The following SH3RF1 variants were observed in gnomAD, a reference collection of about 807,000 sequenced individuals.
The protein encoded by SH3RF1 is SH3 domain containing ring finger 1.
A neutral mutation model predicts 74.0 loss-of-function variants in SH3RF1; 32 were observed. The observed-to-expected ratio is 0.43, with a 90% CI of 0.33 to 0.58. The LOEUF (loss-of-function observed/expected upper bound fraction) is 0.58, where lower values mean the gene tolerates loss of function less well. Ranked by LOEUF, SH3RF1 falls within the 20% of genes least tolerant of loss-of-function variation. SH3RF1 has a pLI of 0.05. For synonymous variants in SH3RF1, 396 were observed against 439.6 expected, an observed-to-expected ratio of 0.90 and a Z score of 1.24; for missense variants, 954 against 1,130.9, an observed-to-expected ratio of 0.84 and a Z score of 2.24.
chr4:169,113,852 G>C (rs17054728), intron 10 of SH3RF1, among the ~76,000 whole-genome samples: 31,259 of 152,066 alleles, frequency 0.21, 3,440 homozygotes, highest in African/African-American at 0.29. Context: ...AAACTTCAAG[G>C]GTATAGCATT....
chr4:169,214,818 G>GTGGA (rs1561055074), intron 2 of SH3RF1, among the ~76,000 whole-genome samples: 1 of 152,020 alleles, frequency 6.6e-6, no homozygotes, highest in African/African-American at 2.4e-5. Context: ...CTTCAACCTT[G>GTGGA]CTAATTGACT....
rs77113673 is a variant in SH3RF1 at position 169,116,507 on chromosome 4, G to A, written c.1901C>T (p.Ala634Val). 2,919 of 1,613,460 alleles carry A rather than the reference G, an allele frequency of 1.8e-3. 31 individuals carry two copies. The African/African-American group carries it at 0.031, about 17-fold the overall frequency. ...SHHSLASPQP[A>V]PLMPGSATHT... ...CGTGGCTGAGCCTGGCATCAGAGGC[G>A]CAGGTTGTGGGGAGGCCAGCGAGTG... Residue 634 changes from alanine to valine, a missense_variant, in exon 10 of 12, where the codon GCG (alanine) becomes GTG (valine). Ala to Val is a moderately conservative substitution (Grantham distance 64, BLOSUM62 0). Around this residue, in one of 3 missense-constraint regions of SH3RF1, gnomAD observed 854 missense variants for 962.5 expected, o/e 0.89. Coordinates refer to ENST00000284637, the MANE Select transcript of SH3RF1 (RefSeq NM_020870.4).
intron 8 of SH3RF1, among the ~76,000 whole-genome samples, chr4:169,120,381 G>A (rs1262211594): frequency 6.6e-6 from 1 of 152,188 alleles, no homozygotes; most frequent in Non-Finnish European, 1.5e-5. Context: ...TGATATCTCT[G>A]TGCCTCAATG....
intron 2 of SH3RF1, among the ~76,000 whole-genome samples, chr4:169,252,685 G>A (rs569888066): frequency 6.6e-6 from 1 of 152,264 alleles, no homozygotes; most frequent in East Asian, 1.9e-4. Flanking sequence ...GTCTAGTAAT[G>A]CTGCCAAGAA....
At chr4:169,163,558 C>G (rs1457140021) in intron 2 of SH3RF1, among the ~76,000 whole-genome samples, 1 of 152,192 alleles carries the variant, frequency 6.6e-6, no homozygotes, top group Non-Finnish European at 1.5e-5. Flanking sequence ...ACCACAGTAA[C>G]AAGGATAATT....
At chr4:169,103,364 T>C (rs533946221) in intron 11 of SH3RF1, among the ~76,000 whole-genome samples, 63 of 152,320 alleles carry the variant, frequency 4.1e-4, no homozygotes, top group African/African-American at 1.5e-3. Context: ...AAAATACTTC[T>C]GTGAAATTCT....
chr4:169,269,834 A>G (rs1731416335), intron 1 of SH3RF1: 1 of 152,260 alleles, frequency 6.6e-6, no homozygotes, highest in Admixed American at 6.5e-5. Context: ...GTTATTAAAA[A>G]TAGAACTGTT....
chr4:169,114,736 A>G (rs1185890971), intron 10 of SH3RF1, among the ~76,000 whole-genome samples: 3 of 152,248 alleles, frequency 2.0e-5, no homozygotes, highest in Non-Finnish European at 4.4e-5. Context: ...GTTAATTATA[A>G]ACACTGAACA....
rs201155341 is a variant in SH3RF1 at position 169,156,715 on chromosome 4, T to C, written c.394-36A>G. On this transcript the variant is annotated intron_variant, in intron 2 of 11. Transcript: ENST00000284637. Reference sequence around the variant, plus strand: ...AAAAGAGGGATGAATTTTAATAAAATAATGGTCTTAAAATGTCTCTGAAAA... The same window carrying C: ...AAAAGAGGGATGAATTTTAATAAAACAATGGTCTTAAAATGTCTCTGAAAA... The C allele has an allele frequency of 2.6e-6, 4 of 1,529,002 alleles. No homozygotes were observed. In the African/African-American group the frequency reaches 4.2e-5, roughly 16 times the overall value. The allele number at this position is 1,529,002 out of a possible 1,614,324, so 94.7% of individuals were successfully genotyped here.
At chr4:169,259,035 T>C (rs1037118213) in intron 2 of SH3RF1, among the ~76,000 whole-genome samples, 19 of 152,174 alleles carry the variant, frequency 1.2e-4, no homozygotes, top group African/African-American at 4.1e-4. Context: ...TAAAACTAGA[T>C]ATGAAGCATC....
chr4:169,182,999 T>C (rs756928614), intron 2 of SH3RF1, among the ~76,000 whole-genome samples: 9 of 152,028 alleles, frequency 5.9e-5, no homozygotes, highest in South Asian at 2.1e-4. Flanking sequence ...CTGAGCAACA[T>C]AGCAGGGCAG....
At chr4:169,168,730 C>T (rs1734282905) in intron 2 of SH3RF1, among the ~76,000 whole-genome samples, 1 of 152,194 alleles carries the variant, frequency 6.6e-6, no homozygotes, top group Non-Finnish European at 1.5e-5. Flanking sequence ...ACGTTTGGTT[C>T]TGCCCAAAGG....
chr4:169,100,087 G>C (rs1732993694), intron 11 of SH3RF1, among the ~76,000 whole-genome samples: 1 of 152,172 alleles, frequency 6.6e-6, no homozygotes. Context: ...AACATTTACA[G>C]ACCAACAAAC....
At chr4:169,190,075 C>T (rs1215727632) in intron 2 of SH3RF1, among the ~76,000 whole-genome samples, 3 of 152,106 alleles carry the variant, frequency 2.0e-5, no homozygotes, top group Non-Finnish European at 4.4e-5. Flanking sequence ...CAGCAAAAGG[C>T]AGTGCCAAGA....
intron 2 of SH3RF1, among the ~76,000 whole-genome samples, chr4:169,195,853 CTTTTAA>C: frequency 6.6e-6 from 1 of 152,056 alleles, no homozygotes; most frequent in African/African-American, 2.4e-5. Flanking sequence ...TATTTTTATT[CTTTTAA>C]TTTTTTTTAG....
chr4:169,193,006 C>A (rs1425156406), intron 2 of SH3RF1, among the ~76,000 whole-genome samples: 1 of 151,672 alleles, frequency 6.6e-6, no homozygotes, highest in Non-Finnish European at 1.5e-5. Context: ...AGACTGGATA[C>A]TATTATTCTA....
chr4:169,205,984 C>T (rs929790318), intron 2 of SH3RF1, among the ~76,000 whole-genome samples: 1 of 152,124 alleles, frequency 6.6e-6, no homozygotes, highest in African/African-American at 2.4e-5. Flanking sequence ...GCTAACATCA[C>T]AAAAACAATA....
chr4:169,202,915 A>G (rs541361446), intron 2 of SH3RF1, among the ~76,000 whole-genome samples: 3 of 152,322 alleles, frequency 2.0e-5, no homozygotes, highest in South Asian at 2.1e-4. Context: ...ACAATTTAAA[A>G]TGTATATATC....
intron 2 of SH3RF1, among the ~76,000 whole-genome samples, chr4:169,221,080 C>A (rs146014701): frequency 1.4e-4 from 21 of 152,258 alleles, no homozygotes; most frequent in Middle Eastern, 6.8e-3. Flanking sequence ...AAATGAGAGG[C>A]GCACATAGCA....
Sources: gnomAD v4.1 joint callset for allele counts (sites outside exome capture counted in the v4.1 genomes callset) on GRCh38, gnomAD v4.1.1 for gene constraint, gnomAD v4.1.1 regional missense constraint, MANE v1.5 for transcripts, NCBI Gene and HGNC (gene_info 2026-07-23, HGNC 2026-07-21) for gene names.